UTRN: variants seen among roughly 807,000 people sequenced by gnomAD.
The protein encoded by UTRN is utrophin, also known as dystrophin-related protein 1.
UTRN carries 283 observed loss-of-function variants against 463.9 expected under a neutral mutation model. The observed-to-expected ratio is 0.61, with a 90% confidence interval of 0.55 to 0.67. The LOEUF is 0.67. Ranked by LOEUF, UTRN falls within the 30% of genes least tolerant of loss-of-function variation. UTRN has a pLI of 0.00. For missense variants in UTRN, 3,922 were observed against 4,084.3 expected (o/e 0.96, Z 1.08); for synonymous variants, 1,442 against 1,431.5 (o/e 1.01, Z -0.17).
At chr6:144,514,223 G>A (rs1385995434) in intron 36 of UTRN, among the ~76,000 whole-genome samples, 186 bp downstream of exon 36, 1 of 152,162 alleles carries the variant, frequency 6.6e-6, no homozygotes, top group Non-Finnish European at 1.5e-5. Flanking sequence ...GAAATTGAAA[G>A]ACTTGTAAGA....
At chr6:144,810,554 G>A (rs1053127553) in intron 65 of UTRN, among the ~76,000 whole-genome samples, 2 of 152,058 alleles carry the variant, frequency 1.3e-5, no homozygotes, top group African/African-American at 4.8e-5. Flanking sequence ...CCCCATCCAT[G>A]GAGAGAAAAT....
intron 58 of UTRN, 163 bp downstream of exon 58, chr6:144,758,152 G>A: frequency 1.8e-6 from 1 of 541,072 alleles, no homozygotes; most frequent in Non-Finnish European, 3.2e-6. Flanking sequence ...TTTAACATGA[G>A]AATTATATTT....
chr6:144,500,513 C>T (rs1442610027), intron 34 of UTRN, among the ~76,000 whole-genome samples: 1 of 152,120 alleles, frequency 6.6e-6, no homozygotes, highest in African/African-American at 2.4e-5. Context: ...AAAAGCATTA[C>T]ATTCATGGAT....
At chr6:144,640,147 G>A (rs1467494854) in intron 51 of UTRN, among the ~76,000 whole-genome samples, 1 of 152,006 alleles carries the variant, frequency 6.6e-6, no homozygotes, top group Non-Finnish European at 1.5e-5. Context: ...AAAATGTGTT[G>A]GTTCTGTGAT....
chr6:144,344,317 A>C (rs988259765), intron 2 of UTRN: 45 of 1,303,960 alleles, frequency 3.5e-5, no homozygotes, highest in Non-Finnish European at 4.3e-5. Flanking sequence ...AAGTTTGTCA[A>C]CTTGCACGAC....
intron 2 of UTRN, among the ~76,000 whole-genome samples, chr6:144,337,194 C>CACCACA (rs1309149044): frequency 7.9e-6 from 1 of 126,704 alleles, no homozygotes; most frequent in African/African-American, 3.3e-5. Flanking sequence ...CACACACACA[C>CACCACA]CACACACACA....
intron 11 of UTRN, among the ~76,000 whole-genome samples, chr6:144,438,078 C>T (rs1255533300): frequency 2.6e-5 from 4 of 152,062 alleles, no homozygotes; most frequent in African/African-American, 4.8e-5. Context: ...CCAGCCTGGG[C>T]GACATGGCGA....
Position 144,458,779 on chromosome 6 carries a change from C to G in UTRN, c.2294C>G (p.Pro765Arg). Reference sequence around the variant, plus strand: ...TTTCATGTCTGCATAGAAGGCCTTCCTACTGAAGAAATAAAAAATGTTCTG... The same window carrying G: ...TTTCATGTCTGCATAGAAGGCCTTCGTACTGAAGAAATAAAAAATGTTCTG... ...LVEQMGKEGL[P>R]TEEIKNVLEK... Residue 765 changes from proline (P) to arginine (R), a missense_variant, in exon 20 of 75, where the codon CCT (proline) becomes CGT (arginine). Transcript: ENST00000367545. The G allele has an allele frequency of 6.3e-7, 1 of 1,596,182 alleles. No individual in the cohort carries two copies. Among genetic ancestry groups the G allele is most frequent in the South Asian group, 1.2e-5 (1 of 86,552 alleles).
chr6:144,593,074 G>A (rs1803273801), intron 51 of UTRN, among the ~76,000 whole-genome samples: 1 of 152,214 alleles, frequency 6.6e-6, no homozygotes, highest in Admixed American at 6.5e-5. Context: ...ATCTTGAGGA[G>A]TAGATAGAAT....
intron 65 of UTRN, among the ~76,000 whole-genome samples, chr6:144,814,618 A>G (rs1206572403): frequency 6.6e-6 from 1 of 152,220 alleles, no homozygotes; most frequent in African/African-American, 2.4e-5. Flanking sequence ...AAAAAGAGAT[A>G]AGGAACAAAA....
intron 2 of UTRN, among the ~76,000 whole-genome samples, chr6:144,308,552 C>G (rs142045468): frequency 1.3e-5 from 2 of 152,122 alleles, no homozygotes; most frequent in Admixed American, 6.5e-5. Context: ...CTCAGCCTCC[C>G]GAAGTGTTGG....
intron 3 of UTRN, among the ~76,000 whole-genome samples, chr6:144,415,411 G>T (rs1302684356): frequency 6.6e-6 from 1 of 152,130 alleles, no homozygotes; most frequent in African/African-American, 2.4e-5. Flanking sequence ...GCCCAATTCT[G>T]CATCTGATTT....
intron 19 of UTRN, among the ~76,000 whole-genome samples, chr6:144,456,397 G>A (rs1435360293): frequency 6.6e-6 from 1 of 152,040 alleles, no homozygotes; most frequent in Non-Finnish European, 1.5e-5. Flanking sequence ...GCTCACACCT[G>A]TAATCCCAGA....
intron 2 of UTRN, among the ~76,000 whole-genome samples, chr6:144,311,071 G>A (rs1806228393): frequency 6.6e-6 from 1 of 152,220 alleles, no homozygotes; most frequent in South Asian, 2.1e-4. Context: ...TAGTTGGCAT[G>A]AAAATGCCCA....
At chr6:144,475,154 C>T (rs1442711413) in intron 25 of UTRN, among the ~76,000 whole-genome samples, 1 of 152,202 alleles carries the variant, frequency 6.6e-6, no homozygotes, top group African/African-American at 2.4e-5. Flanking sequence ...AAGGAGCTTA[C>T]ATTCTAGTGA....
At chr6:144,405,565 T>A (rs1005199513) in intron 3 of UTRN, among the ~76,000 whole-genome samples, 3 of 152,056 alleles carry the variant, frequency 2.0e-5, no homozygotes, top group Non-Finnish European at 2.9e-5. Flanking sequence ...TACATTGTGG[T>A]GGGTTTTACA....
Position 144,489,973 on chromosome 6 carries a change from T to A in UTRN, c.4135-98T>A, listed in dbSNP as rs1792895415. Reference sequence around the variant, plus strand: ...GGTCAACATTATGTAAAATACGATATCATGTATTACACAACGATATAGAAC... The same window carrying A: ...GGTCAACATTATGTAAAATACGATAACATGTATTACACAACGATATAGAAC... On this transcript the variant is annotated intron_variant, in intron 30 of 74. Coordinates refer to ENST00000367545, the MANE Select transcript of UTRN (RefSeq NM_007124.3). 9 of 1,488,310 alleles carry A rather than the reference T, an allele frequency of 6.0e-6. No homozygotes were observed. The South Asian group carries it at 1.1e-4, about 18-fold the overall frequency. 92.2% of individuals were successfully genotyped at this position (1,488,310 alleles called of 1,614,324 possible).
At chr6:144,381,327 C>T (rs573578630) in intron 2 of UTRN, among the ~76,000 whole-genome samples, 2 of 152,186 alleles carry the variant, frequency 1.3e-5, no homozygotes, top group African/African-American at 2.4e-5. Context: ...CCAGCTCCAT[C>T]CATGTCCCTG....
intron 34 of UTRN, among the ~76,000 whole-genome samples, chr6:144,508,057 C>T (rs1794836516): frequency 6.6e-6 from 1 of 152,176 alleles, no homozygotes. Context: ...ACTGCCTACT[C>T]AAGCCTCAGT....
Sources: allele counts gnomAD v4.1 joint callset (sites outside exome capture counted in the v4.1 genomes callset), GRCh38; gene constraint gnomAD v4.1.1; transcripts MANE v1.5; gene names NCBI Gene and HGNC (gene_info 2026-07-23, HGNC 2026-07-21).